RIMS2: variants seen among roughly 807,000 people sequenced by gnomAD.
The protein encoded by RIMS2 is regulating synaptic membrane exocytosis protein 2.
Under a neutral mutation model 174.4 loss-of-function variants are expected in RIMS2, and 59 were observed. The observed-to-expected ratio is 0.34, with a 90% CI of 0.27 to 0.42. The LOEUF (loss-of-function observed/expected upper bound fraction) is 0.42. Among genes scored for constraint, RIMS2 ranks in the 10% least tolerant of loss-of-function variants. RIMS2 has a pLI of 1.00. For missense variants in RIMS2, 1,620 were observed against 1,666.3 expected, an observed-to-expected ratio of 0.97 and a Z score of 0.48; for synonymous variants, 606 against 572.5, an observed-to-expected ratio of 1.06 and a Z score of -0.84.
At chr8:103,526,309 T>A (rs1271115825) in intron 1 of RIMS2, among the ~76,000 whole-genome samples, 1 of 152,210 alleles carries the variant, frequency 6.6e-6, no homozygotes, top group African/African-American at 2.4e-5. Context: ...TGTTAATGAC[T>A]CTAGCTACTT....
intron 1 of RIMS2, among the ~76,000 whole-genome samples, chr8:103,542,201 A>G (rs1404736733): frequency 1.3e-5 from 2 of 152,172 alleles, no homozygotes; most frequent in Non-Finnish European, 2.9e-5. Flanking sequence ...ATAAAAGTCT[A>G]CTATGAATAA....
chr8:103,732,595 G>C (rs1473869453), intron 2 of RIMS2, among the ~76,000 whole-genome samples: 3 of 152,136 alleles, frequency 2.0e-5, no homozygotes, highest in African/African-American at 7.2e-5. Context: ...AGGGCCTGGA[G>C]TTGGGAACCC....
At chr8:104,032,589 T>A (rs958619040) in intron 19 of RIMS2, among the ~76,000 whole-genome samples, 2 of 151,992 alleles carry the variant, frequency 1.3e-5, no homozygotes, top group African/African-American at 4.8e-5. Flanking sequence ...GCAGAGATAA[T>A]TGATTAACTA....
chr8:104,127,051 A>G (rs890908513), intron 19 of RIMS2, among the ~76,000 whole-genome samples: 2 of 152,164 alleles, frequency 1.3e-5, no homozygotes, highest in African/African-American at 2.4e-5. Context: ...TCCTTTTAGC[A>G]AGAAAGAGTT....
At chr8:103,907,976 C>G (rs1244531800) in intron 4 of RIMS2, among the ~76,000 whole-genome samples, 7 of 151,724 alleles carry the variant, frequency 4.6e-5, no homozygotes, top group Admixed American at 4.6e-4. Context: ...TCTCGATCTC[C>G]TGACCTCGAG....
chr8:104,054,328 C>T (rs1280123917), intron 19 of RIMS2, among the ~76,000 whole-genome samples: 2 of 152,068 alleles, frequency 1.3e-5, no homozygotes, highest in Non-Finnish European at 2.9e-5. Flanking sequence ...CATTCTTGTA[C>T]ACTTGACCAA....
At chr8:104,014,297 G>T (rs1164814885) in intron 18 of RIMS2, among the ~76,000 whole-genome samples, 1 of 152,118 alleles carries the variant, frequency 6.6e-6, no homozygotes, top group Non-Finnish European at 1.5e-5. Flanking sequence ...GTGCATGTAT[G>T]TGTATGTATG....
intron 3 of RIMS2, among the ~76,000 whole-genome samples, chr8:103,836,048 C>T (rs542083023): frequency 2.0e-5 from 3 of 152,038 alleles, no homozygotes; most frequent in Non-Finnish European, 4.4e-5. Flanking sequence ...TTTTCTTTAC[C>T]TTCTAACTGG....
intron 19 of RIMS2, chr8:104,015,376 G>T (rs1287650004): frequency 1.5e-6 from 1 of 658,784 alleles, no homozygotes; most frequent in Non-Finnish European, 2.7e-6. Context: ...TTCCCTTTTT[G>T]TTTGTTTGTT....
intron 17 of RIMS2, among the ~76,000 whole-genome samples, chr8:104,006,626 TTCTCTCTCTCTCTCTCTC>T (rs55665972): frequency 0.018 from 2,500 of 138,202 alleles, 44 homozygotes; most frequent in South Asian, 0.026. Flanking sequence ...AGTGATCTAT[TTCTCTCTCTCTCTCTCTC>T]TCTCTCTCTC....
At chr8:103,601,813 TG>T (rs2094760451) in intron 1 of RIMS2, among the ~76,000 whole-genome samples, 1 of 152,174 alleles carries the variant, frequency 6.6e-6, no homozygotes, top group Non-Finnish European at 1.5e-5. Flanking sequence ...GTATCTGTTC[TG>T]TTTTTTTCAA....
At chr8:103,904,471 A>T (rs1473130853) in intron 4 of RIMS2, among the ~76,000 whole-genome samples, 6 of 152,010 alleles carry the variant, frequency 3.9e-5, no homozygotes, top group Admixed American at 3.3e-4. Flanking sequence ...TGTTAGTTTG[A>T]GCCAGTTCCC....
chr8:103,632,716 C>A (rs71520840), intron 1 of RIMS2, among the ~76,000 whole-genome samples: 17,114 of 145,468 alleles, frequency 0.12, 1,319 homozygotes, highest in Non-Finnish European at 0.17. Flanking sequence ...CCACTGCGCC[C>A]GGCCATATTT....
upstream of RIMS2, chr8:103,500,658 G>A: frequency 2.0e-6 from 1 of 487,830 alleles, no homozygotes; most frequent in Non-Finnish European, 3.6e-6. Flanking sequence ...TCGCCCCCGG[G>A]AAGAAGAAAC....
At chr8:103,878,051 C>T (rs1275444513) in intron 3 of RIMS2, among the ~76,000 whole-genome samples, 1 of 151,638 alleles carries the variant, frequency 6.6e-6, no homozygotes, top group Non-Finnish European at 1.5e-5. Context: ...TGATTTATGG[C>T]GGTGGTTTCT....
Position 103,634,336 on chromosome 8 carries a change from A to G in RIMS2, c.177-62750A>G, listed in dbSNP as rs141502666. ...CCATGTAATTGTATTGTTTCGAGCG[A>G]CTTTCATTGTGTTGACTTGTATTTT... On this transcript the variant is annotated intron_variant, in intron 1 of 23. Transcript: ENST00000504942. Among the ~76,000 whole-genome samples, 433 of 152,230 alleles carry G rather than the reference A, an allele frequency of 2.8e-3. 1 individual carries two copies. Among genetic ancestry groups the G allele is most frequent in the Middle Eastern group, 0.01 (3 of 294 alleles).
chr8:103,923,172 T>G (rs1267562755), intron 10 of RIMS2, among the ~76,000 whole-genome samples: 1 of 152,078 alleles, frequency 6.6e-6, no homozygotes, highest in African/African-American at 2.4e-5. Context: ...AAAATGCTAA[T>G]AAATGTTGTT....
intron 15 of RIMS2, among the ~76,000 whole-genome samples, chr8:103,967,189 T>G (rs1032928124): frequency 1.5e-5 from 2 of 133,280 alleles, no homozygotes; most frequent in Non-Finnish European, 3.2e-5. Context: ...TTTTTTTTTT[T>G]TTTTTTTTTT....
intron 15 of RIMS2, among the ~76,000 whole-genome samples, chr8:103,970,782 G>A (rs1296066858): frequency 4.6e-5 from 7 of 152,044 alleles, no homozygotes; most frequent in African/African-American, 1.2e-4. Context: ...ATAATTTGTC[G>A]CTTTTTCAGT....
Sources: allele counts gnomAD v4.1 joint callset (sites outside exome capture counted in the v4.1 genomes callset), GRCh38; gene constraint gnomAD v4.1.1; transcripts MANE v1.5; gene names NCBI Gene and HGNC (gene_info 2026-07-23, HGNC 2026-07-21).